The following F2 variants were observed in gnomAD, a reference collection of about 807,000 sequenced individuals.
F2 encodes the protein coagulation factor II, thrombin, also known as prothrombin.
Under a neutral mutation model 81.9 loss-of-function variants are expected in F2, and 34 were observed. The ratio of observed to expected loss-of-function variants is 0.42; its 90% CI spans 0.32 to 0.55. F2 has a LOEUF of 0.55. F2 is among the 20% of genes least tolerant of loss of function. F2 has a pLI of 0.18. For synonymous variants in F2, 296 were observed against 326.4 expected (o/e 0.91, Z 1.01); for missense variants, 630 against 833.4 (o/e 0.76, Z 3.00).
intron 3 of F2, 24 bp downstream of exon 3, chr11:46,720,571 C>A (rs745578381): frequency 1.4e-5 from 23 of 1,614,048 alleles, no homozygotes; most frequent in Non-Finnish European, 1.8e-5. Flanking sequence ...AGGATTTGCC[C>A]CAGGAAGGGA....
chr11:46,729,610 A>G, intron 12 of F2, 49 bp downstream of exon 12: 1 of 1,592,594 alleles, frequency 6.3e-7, no homozygotes, highest in South Asian at 1.1e-5. Context: ...CCAAGCTGGG[A>G]GAACTGAGTT....
intron 6 of F2, among the ~76,000 whole-genome samples, chr11:46,724,767 C>CT (rs11438724): frequency 0.53 from 77,997 of 147,376 alleles, 23,664 homozygotes; most frequent in Non-Finnish European, 0.69. Flanking sequence ...TGGGGTTGGT[C>CT]TTTTTTTTTT....
intron 11 of F2, among the ~76,000 whole-genome samples, 195 bp from the exon 12 acceptor site, chr11:46,729,185 G>A (rs1028771402): frequency 3.3e-5 from 5 of 151,994 alleles, no homozygotes; most frequent in East Asian, 1.9e-4. Context: ...TCACCGTGTC[G>A]GCCAGGTTGG....
chr11:46,733,500 G>A (rs953126135), intron 12 of F2, among the ~76,000 whole-genome samples: 2 of 152,106 alleles, frequency 1.3e-5, no homozygotes, highest in African/African-American at 4.8e-5. Context: ...ACCATGCCTG[G>A]CCTCTCCTAG....
chr11:46,739,270 C>T lies in F2; in HGVS notation c.1731C>T (p.Pro577=), dbSNP rs1310321930. ...DSGGPFVMKS[P]FNNRWYQMGI... is the part of the protein sequence containing the mutation. ...ACCTCATCTTTCTTCTTCAGAGCCC[C>T]TTTAACAACCGCTGGTATCAAATGG... Residue 577 remains proline (P), a synonymous_variant, in exon 14 of 14, where the codon CCC becomes CCT. Coordinates refer to ENST00000311907, the MANE Select transcript of F2 (RefSeq NM_000506.5). 1.2e-6 allele frequency: 2 copies of T among 1,614,010 alleles called. No homozygotes were observed. The highest frequency in any genetic ancestry group is 1.3e-5 in the African/African-American group (1 of 74,900).
intron 4 of F2, among the ~76,000 whole-genome samples, chr11:46,722,187 C>G (rs566788185): frequency 1.3e-5 from 2 of 152,254 alleles, no homozygotes; most frequent in African/African-American, 4.8e-5. Context: ...TTACAAAGTT[C>G]CTGCTACGTG....
At chr11:46,724,777 TTTC>T (rs1402138746) in intron 6 of F2, among the ~76,000 whole-genome samples, 1 of 151,708 alleles carries the variant, frequency 6.6e-6, no homozygotes, top group Non-Finnish European at 1.5e-5. Flanking sequence ...CTTTTTTTTT[TTTC>T]TTTCTAAGAT....
chr11:46,720,289 C>T, intron 2 of F2: 1 of 597,454 alleles, frequency 1.7e-6, no homozygotes, highest in Non-Finnish European at 3.0e-6. Context: ...GCCCCCTCTC[C>T]TCCCATCTCC....
intron 4 of F2, among the ~76,000 whole-genome samples, chr11:46,722,009 A>C (rs1234335910): frequency 6.6e-6 from 1 of 151,922 alleles, no homozygotes; most frequent in Non-Finnish European, 1.5e-5. Flanking sequence ...TGCCCAGCTA[A>C]TTTTTTGTAT....
chr11:46,737,722 G>T (rs181251027), intron 12 of F2, among the ~76,000 whole-genome samples: 209 of 152,292 alleles, frequency 1.4e-3, no homozygotes, highest in African/African-American at 4.4e-3. Flanking sequence ...ACGGGCGTGA[G>T]CCACTGCGCC....
Position 46,723,025 on chromosome 11 carries a change from G to C in F2, c.317-155G>C, listed in dbSNP as rs2064847123. On this transcript the variant is annotated intron_variant, in intron 4 of 13. Coordinates refer to ENST00000311907, the MANE Select transcript of F2 (RefSeq NM_000506.5). The surrounding 1 kb of genome is among the most constrained non-coding windows in gnomAD (Gnocchi z 5.6). ...TTTGGAGGCCACTGTTGAGTGAATG[G>C]GAGAACTGCTGGTTGCAGAGGAAGA... is the stretch of plus-strand genomic sequence containing the variant. The C allele has an allele frequency of 6.5e-6, 5 of 768,162 alleles. No individual in the cohort carries two copies. The highest frequency in any genetic ancestry group is 5.4e-5 in the Admixed American group (3 of 55,992). The allele number at this position is 768,162 out of a possible 1,614,324, so 47.6% of individuals were successfully genotyped here.
chr11:46,734,772 C>T (rs1297119362), intron 12 of F2, among the ~76,000 whole-genome samples: 1 of 152,094 alleles, frequency 6.6e-6, no homozygotes, highest in African/African-American at 2.4e-5. Flanking sequence ...GATCGTGCCG[C>T]TGCACTCCAG....
intron 12 of F2, among the ~76,000 whole-genome samples, chr11:46,734,463 G>C (rs1050442889): frequency 2.6e-5 from 4 of 151,960 alleles, no homozygotes; most frequent in Admixed American, 1.3e-4. Flanking sequence ...AAAATTACTA[G>C]GTAGTCAAAT....
intron 2 of F2, 116 bp from the exon 3 acceptor site, chr11:46,720,407 G>T (rs2064828939): frequency 1.6e-6 from 2 of 1,214,734 alleles, no homozygotes; most frequent in Admixed American, 1.8e-5. Flanking sequence ...AACCTCCCCA[G>T]AGCCTGCCCC....
chr11:46,721,922 A>C (rs1174916945), intron 4 of F2, among the ~76,000 whole-genome samples: 1 of 150,340 alleles, frequency 6.7e-6, no homozygotes, highest in African/African-American at 2.5e-5. Flanking sequence ...GGCTCGCTGC[A>C]ACCTCCGCCT....
At position 46,723,816 on chromosome 11, in the gene F2, G is replaced by A. The variant is rs540416095; in HGVS notation, c.559+298G>A. Among the ~76,000 whole-genome samples, 19 of 152,286 alleles carry A rather than the reference G, an allele frequency of 1.2e-4. No individual in the cohort carries two copies. The highest frequency in any genetic ancestry group is 1.9e-4 in the Non-Finnish European group (13 of 68,026). On this transcript the variant is annotated intron_variant, in intron 6 of 13. Transcript: ENST00000311907. This position sits in a 1 kb window ranked among gnomAD's most constrained non-coding sequence, Gnocchi z 5.6. ...GAGGCACGAGAATCGCTTGAACCCG[G>A]GAGGCGGAGTTTGCAGTGAGCTGAG...
At position 46,719,873 on chromosome 11, in the gene F2, G is replaced by A; in HGVS notation, c.240+11G>A. Reference sequence around the variant, plus strand: ...TCCTCCACGGCTACGGTGAGCCTGGGCTGCTCGGACGGTGCCGGGGCCTCA... The same window carrying A: ...TCCTCCACGGCTACGGTGAGCCTGGACTGCTCGGACGGTGCCGGGGCCTCA... On this transcript the variant is annotated intron_variant, in intron 2 of 13. Transcript: ENST00000311907. This position sits in a 1 kb window ranked among gnomAD's most constrained non-coding sequence, Gnocchi z 4.7. 6.4e-7 allele frequency: 1 copy of A among 1,558,200 alleles called. No individual in the cohort carries two copies. The highest frequency in any genetic ancestry group is 8.7e-7 in the Non-Finnish European group (1 of 1,152,356).
At position 46,728,829 on chromosome 11, in the gene F2, G is replaced by A. The variant is rs146742525; in HGVS notation, c.1464G>A (p.Thr488=). 1,377 of 1,613,790 alleles carry A rather than the reference G, an allele frequency of 8.5e-4. 3 individuals carry two copies. The highest frequency in any genetic ancestry group is 1.0e-3 in the Non-Finnish European group (1,226 of 1,180,004). Residue 488 remains threonine (T), a synonymous_variant, in exon 11 of 14, where the codon ACG becomes ACA. Coordinates refer to ENST00000311907, the MANE Select transcript of F2 (RefSeq NM_000506.5). This position sits in a 1 kb window ranked among gnomAD's most constrained non-coding sequence, Gnocchi z 5.1. ...IHPVCLPDRE[T]AASLLQAGYK... ...CTGTGTGTCTGCCCGACAGGGAGAC[G>A]GCAGCCAGGTGGGCCACCAGATGCT...
In F2 at chr11:46,720,565, T is replaced by C; in HGVS notation, c.265+18T>C. ...GTACACAGGTGAGCACCGGGAAGGATTTGCCCCAGGAAGGGAGGCCTGGGG... is the reference window on the plus strand; with the variant it reads ...GTACACAGGTGAGCACCGGGAAGGACTTGCCCCAGGAAGGGAGGCCTGGGG... On this transcript the variant is annotated intron_variant, in intron 3 of 13. Coordinates refer to ENST00000311907, the MANE Select transcript of F2 (RefSeq NM_000506.5). 1 of 1,613,936 alleles carries C rather than the reference T, an allele frequency of 6.2e-7. No homozygotes were observed. Among genetic ancestry groups the C allele is most frequent in the South Asian group, 1.1e-5 (1 of 91,058 alleles).
Sources: allele counts gnomAD v4.1 joint callset (sites outside exome capture counted in the v4.1 genomes callset), GRCh38; gene constraint gnomAD v4.1.1; non-coding constraint Gnocchi (gnomAD v3.1); transcripts MANE v1.5; gene names NCBI Gene and HGNC (gene_info 2026-07-23, HGNC 2026-07-21).